Variants in DNAH7 observed in about 807,000 individuals in gnomAD.
The protein encoded by DNAH7 is axonemal beta dynein heavy chain 7.
A neutral mutation model predicts 444.6 loss-of-function variants in DNAH7; 397 were observed. The ratio of observed to expected loss-of-function variants is 0.89; its 90% CI spans 0.82 to 0.97. The LOEUF (loss-of-function observed/expected upper bound fraction) is 0.97. Ranked by LOEUF, DNAH7 falls within the 50% of genes least tolerant of loss-of-function variation. The pLI is 0.00. For synonymous variants in DNAH7, 1,636 were observed against 1,624.4 expected, an observed-to-expected ratio of 1.01 and a Z score of -0.17; for missense variants, 4,902 against 4,800.8, an observed-to-expected ratio of 1.02 and a Z score of -0.62.
At chr2:195,994,590 G>A (rs974899884) in intron 12 of DNAH7, 19 of 490,098 alleles carry the variant, frequency 3.9e-5, no homozygotes, top group Non-Finnish European at 5.2e-5. Flanking sequence ...CATCTCTTCC[G>A]GACAGGAGTA....
At chr2:196,068,494 C>T in intron 1 of DNAH7, 1 of 691,620 alleles carries the variant, frequency 1.4e-6, no homozygotes, top group Non-Finnish European at 2.3e-6. Flanking sequence ...TTATGACGAC[C>T]AAGGGCAAAC....
At position 195,794,505 on chromosome 2, in the gene DNAH7, G is replaced by C; in HGVS notation, c.10549C>G (p.Arg3517Gly). Residue 3517 changes from arginine to glycine, a missense_variant, in exon 57 of 65, where the codon CGA (arginine) becomes GGA (glycine). Physicochemically the swap from Arg to Gly is moderately radical, Grantham distance 125 (BLOSUM62 -2). Coordinates refer to ENST00000312428, the MANE Select transcript of DNAH7 (RefSeq NM_018897.3). Reference sequence around the variant, plus strand: ...GATGGGTAACTCGTTAGCCACATTCGGAAATCTGGATGTGTTGACTCTGGG... The same window carrying C: ...GATGGGTAACTCGTTAGCCACATTCCGAAATCTGGATGTGTTGACTCTGGG... ...LSPESTHPDF[R>G]MWLTSYPSPN... 1 of 1,614,084 alleles carries C rather than the reference G, an allele frequency of 6.2e-7. No homozygotes were observed. Among genetic ancestry groups the C allele is most frequent in the Non-Finnish European group, 8.5e-7 (1 of 1,179,982 alleles).
At chr2:195,999,032 T>C (rs1297255055) in intron 12 of DNAH7, 1 of 700,374 alleles carries the variant, frequency 1.4e-6, no homozygotes, top group South Asian at 1.5e-5. Context: ...TCCGGCAAGG[T>C]GGATGCATGG....
At chr2:195,910,232 T>G in intron 24 of DNAH7, 37 bp from the exon 25 acceptor site, 1 of 1,473,652 alleles carries the variant, frequency 6.8e-7, no homozygotes, top group East Asian at 2.5e-5. Context: ...TGTAGAATAA[T>G]GTGATTTTTT....
intron 15 of DNAH7, among the ~76,000 whole-genome samples, chr2:195,975,066 C>T (rs1692093467): frequency 6.6e-6 from 1 of 152,126 alleles, no homozygotes; most frequent in Non-Finnish European, 1.5e-5. Flanking sequence ...ATCGAAGCCT[C>T]CACTGATCAT....
At chr2:195,827,301 G>C (rs1056740655) in intron 48 of DNAH7, among the ~76,000 whole-genome samples, 1 of 151,890 alleles carries the variant, frequency 6.6e-6, no homozygotes, top group Admixed American at 6.6e-5. Flanking sequence ...TTTGAGATGG[G>C]GTCTCACTCT....
intron 6 of DNAH7, among the ~76,000 whole-genome samples, chr2:196,027,581 AATT>A (rs1695769640): frequency 6.6e-6 from 1 of 152,072 alleles, no homozygotes; most frequent in African/African-American, 2.4e-5. Context: ...CATTTTAAAA[AATT>A]ATTATGTATT....
At chr2:196,024,359 T>C (rs996286206) in intron 8 of DNAH7, 70 bp downstream of exon 8, 21 of 965,154 alleles carry the variant, frequency 2.2e-5, no homozygotes, top group South Asian at 1.2e-4. Flanking sequence ...TGAGAAAATA[T>C]AATTGGTGAT....
At chr2:195,791,159 T>C (rs1432347770) in intron 57 of DNAH7, among the ~76,000 whole-genome samples, 34 of 151,736 alleles carry the variant, frequency 2.2e-4, no homozygotes, top group Admixed American at 2.2e-3. Context: ...CTTATACCAG[T>C]CAGAATGGCT....
At chr2:195,939,575 T>C (rs1258854014) in intron 19 of DNAH7, among the ~76,000 whole-genome samples, 1 of 152,128 alleles carries the variant, frequency 6.6e-6, no homozygotes, top group Non-Finnish European at 1.5e-5. Flanking sequence ...AATCTTAGTA[T>C]GACTTCTTTG....
intron 7 of DNAH7, among the ~76,000 whole-genome samples, chr2:196,025,835 G>C (rs1160595120): frequency 6.6e-6 from 1 of 151,964 alleles, no homozygotes; most frequent in Non-Finnish European, 1.5e-5. Flanking sequence ...CCACCAATAA[G>C]GGTCCCCACA....
intron 47 of DNAH7, among the ~76,000 whole-genome samples, chr2:195,840,555 T>C (rs115709997): frequency 0.014 from 2,193 of 151,852 alleles, 61 homozygotes; most frequent in African/African-American, 0.05. Context: ...AGTAGTAAGT[T>C]AAACTGTCAC....
chr2:195,988,800 CTT>C (rs1693098482), intron 12 of DNAH7, among the ~76,000 whole-genome samples: 2 of 152,084 alleles, frequency 1.3e-5, no homozygotes, highest in Non-Finnish European at 2.9e-5. Flanking sequence ...ATCTAACTAA[CTT>C]TGTACTCAAT....
intron 40 of DNAH7, among the ~76,000 whole-genome samples, chr2:195,867,694 T>A (rs1031828065): frequency 3.9e-5 from 6 of 152,226 alleles, no homozygotes; most frequent in African/African-American, 1.4e-4. Flanking sequence ...ATAGGTGACC[T>A]TTTGTGTATG....
chr2:195,981,436 G>A, intron 15 of DNAH7, among the ~76,000 whole-genome samples: 1 of 151,248 alleles, frequency 6.6e-6, no homozygotes, highest in Non-Finnish European at 1.5e-5. Context: ...CAATGTCAAT[G>A]ACATTCCTCA....
chr2:195,779,811 GC>G (rs1695286128), intron 58 of DNAH7, among the ~76,000 whole-genome samples: 2 of 152,128 alleles, frequency 1.3e-5, no homozygotes, highest in African/African-American at 4.8e-5. Context: ...TCACCATGTT[GC>G]CCAGGCTGGC....
chr2:195,795,179 G>A (rs1416218134), intron 56 of DNAH7, among the ~76,000 whole-genome samples: 2 of 152,152 alleles, frequency 1.3e-5, no homozygotes, highest in East Asian at 1.9e-4. Flanking sequence ...TCAAGAGTTC[G>A]AGACCAGCCT....
chr2:195,900,223 C>T (rs1400500105), intron 28 of DNAH7, 59 bp downstream of exon 28: 1 of 1,531,118 alleles, frequency 6.5e-7, no homozygotes, highest in Non-Finnish European at 9.0e-7. Flanking sequence ...TCTGAAGACC[C>T]ATTAGGCTGG....
intron 58 of DNAH7, among the ~76,000 whole-genome samples, chr2:195,785,181 G>T (rs1397316035): frequency 6.6e-6 from 1 of 152,136 alleles, no homozygotes; most frequent in Non-Finnish European, 1.5e-5. Context: ...AAAGTGCTGG[G>T]ATTACAGGCG....
Sources: gnomAD v4.1 joint callset for allele counts (sites outside exome capture counted in the v4.1 genomes callset) on GRCh38, gnomAD v4.1.1 for gene constraint, MANE v1.5 for transcripts, NCBI Gene and HGNC (gene_info 2026-07-23, HGNC 2026-07-21) for gene names.